The following NCOA5 variants were observed in gnomAD, a reference collection of about 807,000 sequenced individuals.
NCOA5 encodes NCoA-5.
A neutral mutation model predicts 59.0 loss-of-function variants in NCOA5; 12 were observed. The observed-to-expected ratio is 0.20, with a 90% CI of 0.13 to 0.33. The LOEUF (loss-of-function observed/expected upper bound fraction) is 0.33, where lower values mean the gene tolerates loss of function less well. Ranked by LOEUF, NCOA5 falls within the 10% of genes least tolerant of loss-of-function variation. The pLI, the probability that NCOA5 is intolerant of heterozygous loss-of-function variation, is 1.00. For synonymous variants in NCOA5, 270 were observed against 275.5 expected, an observed-to-expected ratio of 0.98 and a Z score of 0.20; for missense variants, 655 against 766.6, an observed-to-expected ratio of 0.85 and a Z score of 1.72.
At chr20:46,079,538 C>G (rs556483519) in intron 1 of NCOA5, 85 bp from the exon 2 acceptor site, 9 of 1,095,224 alleles carry the variant, frequency 8.2e-6, no homozygotes, top group Non-Finnish European at 1.2e-5. Flanking sequence ...GCAACAACAA[C>G]AAAAACTACA....
At chr20:46,073,499 G>A (rs2084906242) in intron 2 of NCOA5, among the ~76,000 whole-genome samples, 2 of 152,188 alleles carry the variant, frequency 1.3e-5, no homozygotes, top group South Asian at 4.1e-4. Flanking sequence ...GATGTAGCAT[G>A]TAATGTGGGC....
chr20:46,065,515 A>G (rs910305173), intron 5 of NCOA5, among the ~76,000 whole-genome samples: 2 of 152,048 alleles, frequency 1.3e-5, no homozygotes, highest in African/African-American at 4.8e-5. Context: ...GCTCCCTAAG[A>G]CTTGTGGCAC....
chr20:46,062,295 T>C lies in NCOA5; in HGVS notation c.*5A>G. 1 of 1,607,858 alleles carries C rather than the reference T, an allele frequency of 6.2e-7. No homozygotes were observed. The highest frequency in any genetic ancestry group is 8.5e-7 in the Non-Finnish European group (1 of 1,176,106). On this transcript the variant is annotated 3_prime_UTR_variant, in exon 8 of 8. Coordinates refer to ENST00000290231, the MANE Select transcript of NCOA5 (RefSeq NM_020967.3). ...GGGGACTGGGGAGAGTTGAAAGATTTAGCTTCAGTAATGCCTCTGGTAAGA... is the reference window on the plus strand; with the variant it reads ...GGGGACTGGGGAGAGTTGAAAGATTCAGCTTCAGTAATGCCTCTGGTAAGA...
chr20:46,072,738 T>G (rs1338537809), intron 2 of NCOA5, among the ~76,000 whole-genome samples: 4 of 152,224 alleles, frequency 2.6e-5, no homozygotes, highest in Admixed American at 1.3e-4. Context: ...ACTCCCTGAT[T>G]GTTAGATTCA....
intron 6 of NCOA5, among the ~76,000 whole-genome samples, chr20:46,064,165 C>G (rs564781974): frequency 1.3e-5 from 2 of 152,338 alleles, no homozygotes; most frequent in South Asian, 4.1e-4. Context: ...CCTAAATAAC[C>G]TCCTCTCCTC....
intron 3 of NCOA5, 45 bp downstream of exon 3, chr20:46,070,165 T>A (rs1371401695): frequency 4.0e-6 from 6 of 1,498,616 alleles, no homozygotes; most frequent in Non-Finnish European, 5.5e-6. Flanking sequence ...AGAACATACA[T>A]AAAAAGAACT....
intron 2 of NCOA5, among the ~76,000 whole-genome samples, chr20:46,071,172 A>AAAACG (rs1568881598): frequency 1.3e-5 from 2 of 151,760 alleles, no homozygotes; most frequent in South Asian, 4.2e-4. Flanking sequence ...AAAACAAAAC[A>AAAACG]AAAAAACAAC....
intron 5 of NCOA5, among the ~76,000 whole-genome samples, chr20:46,065,833 G>T (rs1409754236): frequency 6.6e-6 from 1 of 152,180 alleles, no homozygotes; most frequent in Non-Finnish European, 1.5e-5. Flanking sequence ...CCAGTGGAAT[G>T]AGGCTATACA....
At chr20:46,072,624 G>A (rs1020506596) in intron 2 of NCOA5, among the ~76,000 whole-genome samples, 24 of 152,080 alleles carry the variant, frequency 1.6e-4, no homozygotes, top group African/African-American at 5.1e-4. Context: ...TTGCCACACC[G>A]GCCTTTCAGC....
At position 46,063,531 on chromosome 20, in the gene NCOA5, T is replaced by G. The variant is rs35481630; in HGVS notation, c.979A>C (p.Arg327=). The change falls in exon 7 of 8, where the codon AGA becomes CGA. Residue 327 remains arginine, a synonymous_variant. Coordinates refer to ENST00000290231, the MANE Select transcript of NCOA5 (RefSeq NM_020967.3). The part of the protein sequence containing the change: ...ADEAILQERE[R]GGPEEGVRGG... Reference sequence around the variant, plus strand: ...CGCACTCCCTCCTCAGGGCCTCCTCTCTCTCTTTCCTGCAGGATGGCTTCA... The same window carrying G: ...CGCACTCCCTCCTCAGGGCCTCCTCGCTCTCTTTCCTGCAGGATGGCTTCA... 4.8e-3 allele frequency: 7,730 copies of G among 1,614,128 alleles called. 336 individuals are homozygous for G. The African/African-American group carries it at 0.091, about 19-fold the overall frequency.
In NCOA5 at chr20:46,063,508, C is replaced by T. The variant is rs746125953; in HGVS notation, c.1002G>A (p.Val334=). 12 of 1,614,222 alleles carry T rather than the reference C, an allele frequency of 7.4e-6. No homozygotes were observed. The highest frequency in any genetic ancestry group is 1.0e-5 in the Non-Finnish European group (12 of 1,180,038). Residue 334 remains valine, a synonymous_variant, in exon 7 of 8, where the codon GTG becomes GTA. Transcript: ENST00000290231. The stretch of plus-strand genomic sequence containing the variant: ...GGATGGCTGGAGGGTGGCCCCCACG[C>T]ACTCCCTCCTCAGGGCCTCCTCTCT... ...ERERGGPEEG[V]RGGHPPAIQS...
At chr20:46,080,127 C>T (rs2084976635) in intron 1 of NCOA5, among the ~76,000 whole-genome samples, 1 of 151,998 alleles carries the variant, frequency 6.6e-6, no homozygotes, top group South Asian at 2.1e-4. Flanking sequence ...TAAAACACTC[C>T]TCCTAAGTTG....
intron 1 of NCOA5, among the ~76,000 whole-genome samples, chr20:46,087,168 T>C (rs1325715281): frequency 6.6e-6 from 1 of 152,212 alleles, no homozygotes; most frequent in East Asian, 1.9e-4. Context: ...GTTATTATCA[T>C]TACTACACTA....
At chr20:46,077,857 G>C (rs917496805) in intron 2 of NCOA5, among the ~76,000 whole-genome samples, 1 of 152,190 alleles carries the variant, frequency 6.6e-6, no homozygotes, top group Non-Finnish European at 1.5e-5. Flanking sequence ...GACTGCCCAA[G>C]ATCTGTGGCA....
At chr20:46,069,597 G>A (rs960634546) in intron 3 of NCOA5, among the ~76,000 whole-genome samples, 2 of 152,088 alleles carry the variant, frequency 1.3e-5, no homozygotes, top group Non-Finnish European at 2.9e-5. Flanking sequence ...CAGGTGTGGC[G>A]GCATATGCCT....
At chr20:46,068,923 C>T (rs1339129481) in intron 3 of NCOA5, among the ~76,000 whole-genome samples, 2 of 152,122 alleles carry the variant, frequency 1.3e-5, no homozygotes, top group African/African-American at 4.8e-5. Context: ...AAAATTATAT[C>T]TAAACGCATA....
At chr20:46,063,705 A>G (rs773906039) in intron 6 of NCOA5, 25 bp from the exon 7 acceptor site, 3 of 1,599,964 alleles carry the variant, frequency 1.9e-6, no homozygotes, top group African/African-American at 1.3e-5. Context: ...GACATGAGTT[A>G]TTTTCTTCCA....
rs1190702837 is a variant in NCOA5, at chr20:46,063,416, T to C, written c.1094A>G (p.Asn365Ser). 1.2e-6 allele frequency: 2 copies of C among 1,614,170 alleles called. No individual in the cohort carries two copies. Among genetic ancestry groups the C allele is most frequent in the East Asian group, 4.5e-5 (2 of 44,878 alleles). ...CCGCTCCTTCCGCTCTCGCAGGTAG[T>C]TGATGATCTTGTCAGTCTCTTCAGC... ...LTAEETDKII[N>S]YLRERKERLM... The change falls in exon 7 of 8, where the codon AAC (asparagine) becomes AGC (serine). Residue 365 changes from asparagine (N) to serine (S), a missense_variant. Around this residue, in one of 3 missense-constraint regions of NCOA5, gnomAD observed 325 missense variants for 353.2 expected, o/e 0.92. Coordinates refer to ENST00000290231, the MANE Select transcript of NCOA5 (RefSeq NM_020967.3).
chr20:46,079,678 C>T (rs2084971378), intron 1 of NCOA5, among the ~76,000 whole-genome samples: 1 of 152,178 alleles, frequency 6.6e-6, no homozygotes, highest in Non-Finnish European at 1.5e-5. Flanking sequence ...TTCTAGTTAA[C>T]ACGTAATTTG....
Sources: gnomAD v4.1 joint callset for allele counts (sites outside exome capture counted in the v4.1 genomes callset) on GRCh38, gnomAD v4.1.1 for gene constraint, gnomAD v4.1.1 regional missense constraint, MANE v1.5 for transcripts, NCBI Gene and HGNC (gene_info 2026-07-23, HGNC 2026-07-21) for gene names.